Variants in PCDHGB1 observed in about 807,000 individuals in gnomAD.
PCDHGB1 encodes the protein protocadherin gamma subfamily B, 1, also known as protocadherin gamma-B1.
In PCDHGB1, 34 loss-of-function variants were observed where a neutral mutation model predicts 56.6. The ratio of observed to expected loss-of-function variants is 0.60; its 90% CI spans 0.46 to 0.80. The LOEUF is 0.80. Among genes scored for constraint, PCDHGB1 ranks in the 30% least tolerant of loss-of-function variants. The probability of loss-of-function intolerance (pLI) is 0.00; values close to 1 mark genes in which losing one functional copy is unlikely to be tolerated. For synonymous variants in PCDHGB1, 561 were observed against 505.9 expected (o/e 1.11, Z -1.46); for missense variants, 1,278 against 1,204.6 (o/e 1.06, Z -0.90).
In PCDHGB1 at chr5:141,385,021, G is replaced by A. The variant is rs556987681; in HGVS notation, c.2409+32352G>A. On this transcript the variant is annotated intron_variant, in intron 1 of 3. Coordinates refer to ENST00000523390, the MANE Select transcript of PCDHGB1 (RefSeq NM_018922.3). ...AGTCTCCTGCGTCTTCCTAGCCTTC[G>A]TCCTCGTACTGCTGGCGCTCAGGCT... 4.4e-5 allele frequency: 71 copies of A among 1,614,120 alleles called. No individual in the cohort carries two copies. The East Asian group carries it at 1.5e-3, about 35-fold the overall frequency.
chr5:141,421,291 G>C, intron 1 of PCDHGB1: 1 of 1,613,364 alleles, frequency 6.2e-7, no homozygotes, highest in Middle Eastern at 1.6e-4. Context: ...CATTTTCCTG[G>C]GGACGCTGCG....
At chr5:141,399,557 TG>T in intron 1 of PCDHGB1, 1 of 1,613,968 alleles carries the variant, frequency 6.2e-7, no homozygotes, top group Non-Finnish European at 8.5e-7. Context: ...GACCTGGACT[TG>T]GGGTTGAACG....
chr5:141,365,310 T>C (rs1471610081), intron 1 of PCDHGB1: 1 of 1,613,896 alleles, frequency 6.2e-7, no homozygotes, highest in Admixed American at 1.7e-5. Flanking sequence ...GGAGGCGCTC[T>C]TGTTGCCAGC....
chr5:141,486,121 T>G lies in PCDHGB1; in HGVS notation c.2410-8686T>G. The G allele has an allele frequency of 6.2e-7, 1 of 1,614,204 alleles. No homozygotes were observed. Among genetic ancestry groups the G allele is most frequent in the Non-Finnish European group, 8.5e-7 (1 of 1,180,036 alleles). Reference sequence around the variant, plus strand: ...TAGACTTTGAGAGTGAGAATTACTATGAATTTGATGTGCGGGCTCGCGATG... The same window carrying G: ...TAGACTTTGAGAGTGAGAATTACTAGGAATTTGATGTGCGGGCTCGCGATG... On this transcript the variant is annotated intron_variant, in intron 1 of 3. Transcript: ENST00000523390. The surrounding 1 kb of genome is among the most constrained non-coding windows in gnomAD (Gnocchi z 5.0).
chr5:141,494,076 G>A (rs538740530), intron 1 of PCDHGB1, among the ~76,000 whole-genome samples: 24 of 152,234 alleles, frequency 1.6e-4, no homozygotes, highest in African/African-American at 4.3e-4. Flanking sequence ...ATCCCTCCCC[G>A]CTGCATCCCT....
At position 141,421,041 on chromosome 5, in the gene PCDHGB1, C is replaced by T. The variant is rs963777669; in HGVS notation, c.2409+68372C>T. The T allele has an allele frequency of 1.8e-5, 10 of 546,514 alleles. No individual in the cohort carries two copies. The African/African-American group carries it at 1.9e-4, about 11-fold the overall frequency. 33.9% of individuals were successfully genotyped at this position (546,514 alleles called of 1,614,324 possible). A position where few individuals can be genotyped will look rare whatever the true frequency, so the allele number is the denominator to read the frequency against. ...CTGCGCGCCATTGAGTCCCTCCCTC[C>T]CCCGCCTCTACCACACAAAGCGGAA... On this transcript the variant is annotated intron_variant, in intron 1 of 3. Coordinates refer to ENST00000523390, the MANE Select transcript of PCDHGB1 (RefSeq NM_018922.3).
At chr5:141,361,078 T>TA in intron 1 of PCDHGB1, 1 of 1,614,004 alleles carries the variant, frequency 6.2e-7, no homozygotes, top group Non-Finnish European at 8.5e-7. Context: ...TGCAAGTAGT[T>TA]ACACTCTGAG....
Position 141,511,030 on chromosome 5 carries a change from C to A in PCDHGB1, c.2641C>A (p.Gln881Lys). 9 of 1,614,224 alleles carry A rather than the reference C, an allele frequency of 5.6e-6. No individual in the cohort carries two copies. Among genetic ancestry groups the A allele is most frequent in the Non-Finnish European group, 7.6e-6 (9 of 1,180,032 alleles). Residue 881 changes from glutamine (Q) to lysine (K), a missense_variant, in exon 4 of 4, where the codon CAG (glutamine) becomes AAG (lysine). Transcript: ENST00000523390. ...SARYGPQFTLQHVPDYRQNVY... is the reference protein window; with the variant it reads ...SARYGPQFTLKHVPDYRQNVY... ...CCGCTACGGACCCCAGTTCACCCTGCAGCACGTGCCCGACTACCGCCAGAA... is the reference window on the plus strand; with the variant it reads ...CCGCTACGGACCCCAGTTCACCCTGAAGCACGTGCCCGACTACCGCCAGAA...
At chr5:141,466,871 T>G (rs1432611218) in intron 1 of PCDHGB1, among the ~76,000 whole-genome samples, 1 of 152,166 alleles carries the variant, frequency 6.6e-6, no homozygotes, top group Admixed American at 6.5e-5. Flanking sequence ...ATCCACACAT[T>G]TTTTTCATAA....
At chr5:141,494,064 G>T (rs1233070772) in intron 1 of PCDHGB1, among the ~76,000 whole-genome samples, 2 of 152,160 alleles carry the variant, frequency 1.3e-5, no homozygotes, top group South Asian at 2.1e-4. Flanking sequence ...TGTGGGAGCT[G>T]GATCCCTCCC....
chr5:141,433,221 A>G, intron 1 of PCDHGB1: 1 of 1,475,672 alleles, frequency 6.8e-7, no homozygotes, highest in African/African-American at 1.4e-5. Context: ...TTTTTTTTTT[A>G]ATTGCTCTGT....
chr5:141,375,703 G>T (rs776426026), intron 1 of PCDHGB1: 9 of 1,614,144 alleles, frequency 5.6e-6, no homozygotes, highest in Non-Finnish European at 7.6e-6. Flanking sequence ...GCGGGGACCC[G>T]CCTCTTAGCA....
At chr5:141,483,293 G>T (rs532959899) in intron 1 of PCDHGB1, among the ~76,000 whole-genome samples, 1 of 152,264 alleles carries the variant, frequency 6.6e-6, no homozygotes, top group Non-Finnish European at 1.5e-5. Flanking sequence ...TCAGTCATAA[G>T]TGAAGGGACT....
In PCDHGB1 at chr5:141,350,535, T is replaced by C; in HGVS notation, c.275T>C (p.Ile92Thr). 1 of 1,613,978 alleles carries C rather than the reference T, an allele frequency of 6.2e-7. No individual in the cohort carries two copies. Among genetic ancestry groups the C allele is most frequent in the South Asian group, 1.1e-5 (1 of 91,086 alleles). ...LVNGRIDREK[I>T]CGRKLECALE... ...AACGGTAGGATAGATCGAGAGAAGA[T>C]TTGCGGAAGGAAACTTGAGTGTGCA... Residue 92 changes from isoleucine to threonine, a missense_variant, in exon 1 of 4, where the codon ATT (isoleucine) becomes ACT (threonine). Coordinates refer to ENST00000523390, the MANE Select transcript of PCDHGB1 (RefSeq NM_018922.3).
intron 1 of PCDHGB1, among the ~76,000 whole-genome samples, chr5:141,488,969 CCAAT>C (rs1303368467): frequency 4.6e-5 from 7 of 152,106 alleles, no homozygotes; most frequent in Non-Finnish European, 7.4e-5. Context: ...GACTTTTTGG[CCAAT>C]CAGACTCAGA....
At chr5:141,357,244 G>C in intron 1 of PCDHGB1, 4 of 1,613,834 alleles carry the variant, frequency 2.5e-6, no homozygotes, top group Non-Finnish European at 3.4e-6. Context: ...CAAGCCTTCA[G>C]CAGACCCAGA....
Position 141,477,337 on chromosome 5 carries a change from C to T in PCDHGB1, c.2410-17470C>T. ...TTACTTCTTCCCTCAAGAATTACTT[C>T]ACTTTGAAAACCAGTGCAGACCTGG... On this transcript the variant is annotated intron_variant, in intron 1 of 3. Transcript: ENST00000523390. The surrounding 1 kb of genome is among the most constrained non-coding windows in gnomAD (Gnocchi z 4.9). The T allele has an allele frequency of 1.2e-6, 2 of 1,614,166 alleles. No individual in the cohort carries two copies. Among genetic ancestry groups the T allele is most frequent in the Non-Finnish European group, 1.7e-6 (2 of 1,180,028 alleles).
At chr5:141,415,208 A>C in intron 1 of PCDHGB1, 3 of 1,614,024 alleles carry the variant, frequency 1.9e-6, no homozygotes, top group Non-Finnish European at 2.5e-6. Context: ...GTCCTGGCGG[A>C]CCTCGGCAGC....
chr5:141,472,486 G>A (rs1300618918), intron 1 of PCDHGB1, among the ~76,000 whole-genome samples: 1 of 152,050 alleles, frequency 6.6e-6, no homozygotes, highest in Non-Finnish European at 1.5e-5. Flanking sequence ...CTTGCAGTGA[G>A]ACGAGATCGT....
Sources: allele counts gnomAD v4.1 joint callset (sites outside exome capture counted in the v4.1 genomes callset), GRCh38; gene constraint gnomAD v4.1.1; non-coding constraint Gnocchi (gnomAD v3.1); transcripts MANE v1.5; gene names NCBI Gene and HGNC (gene_info 2026-07-23, HGNC 2026-07-21).